NUCKS1: variants seen among roughly 807,000 people sequenced by gnomAD.
The protein encoded by NUCKS1 is nuclear ubiquitous casein and cyclin-dependent kinase substrate 1.
In NUCKS1, 2 loss-of-function variants were observed where a neutral mutation model predicts 33.0. That is an observed-to-expected ratio of 0.06 (90% CI 0.02 to 0.19). The LOEUF is 0.19. NUCKS1 is among the 10% of genes least tolerant of loss of function. The pLI is 1.00. For missense variants in NUCKS1, 201 were observed against 293.6 expected (o/e 0.68, Z 2.31); for synonymous variants, 106 against 102.8 (o/e 1.03, Z -0.19).
At chr1:205,739,355 T>C (rs12088809) in intron 1 of NUCKS1, among the ~76,000 whole-genome samples, 2,346 of 152,318 alleles carry the variant, frequency 0.015, 60 homozygotes, top group African/African-American at 0.054. Flanking sequence ...CCTTTAAAAT[T>C]TGGAAGATTT....
intron 3 of NUCKS1, among the ~76,000 whole-genome samples, chr1:205,727,476 C>G (rs965632771): frequency 1.3e-5 from 2 of 152,092 alleles, no homozygotes; most frequent in Non-Finnish European, 2.9e-5. Flanking sequence ...TGAGATATAT[C>G]ACTTATTTTT....
intron 1 of NUCKS1, among the ~76,000 whole-genome samples, chr1:205,737,233 A>C (rs1654055289): frequency 6.6e-6 from 1 of 152,202 alleles, no homozygotes. Flanking sequence ...CCAAGATTTC[A>C]GTTCCCTTTT....
chr1:205,725,819 GACATTATA>G (rs1369101989), intron 3 of NUCKS1, among the ~76,000 whole-genome samples: 1 of 152,206 alleles, frequency 6.6e-6, no homozygotes, highest in East Asian at 1.9e-4. Flanking sequence ...ATGTCAATGA[GACATTATA>G]ACATGCCACA....
At chr1:205,724,883 A>C (rs542138922) in intron 3 of NUCKS1, among the ~76,000 whole-genome samples, 313 of 152,342 alleles carry the variant, frequency 2.1e-3, no homozygotes, top group Non-Finnish European at 3.4e-3. Flanking sequence ...AAGAAAATAA[A>C]ATGAGCTCAA....
At position 205,713,096 on chromosome 1, in the gene NUCKS1, C is replaced by G. The variant is rs1430831971; in HGVS notation, c.*5184G>C. 6.6e-6 allele frequency: 1 copy of G among 152,124 alleles called. No homozygotes were observed. Among genetic ancestry groups the G allele is most frequent in the East Asian group, 1.9e-4 (1 of 5,196 alleles). The allele number at this position is 152,124 out of a possible 1,614,324, so 9.4% of individuals were successfully genotyped here. On this transcript the variant is annotated 3_prime_UTR_variant, in exon 7 of 7. Transcript: ENST00000367142. ...AAATAATTTATTAGGGAAATAAGTT[C>G]CCACAAAGTCAGGCTGAACTGGGAG...
At chr1:205,745,325 CCT>C (rs1359612761) in intron 1 of NUCKS1, among the ~76,000 whole-genome samples, 2 of 151,692 alleles carry the variant, frequency 1.3e-5, no homozygotes, top group African/African-American at 4.8e-5. Flanking sequence ...ATGGTGAAAC[CCT>C]GTCTACAAAA....
In NUCKS1 at chr1:205,732,106, A is replaced by G. The variant is rs1653929174; in HGVS notation, c.18-2485T>C. On this transcript the variant is annotated intron_variant, in intron 1 of 6. Coordinates refer to ENST00000367142, the MANE Select transcript of NUCKS1 (RefSeq NM_022731.5). ...GAAAAAAAGGCTTGGGCTTATATGT[A>G]GAGGAATATATAGTTACATACTCAG... Among the ~76,000 whole-genome samples, 3 of 152,158 alleles carry G rather than the reference A, an allele frequency of 2.0e-5. No homozygotes were observed. The South Asian group carries it at 6.2e-4, about 32-fold the overall frequency.
At chr1:205,749,405 C>T (rs1175002827) in intron 1 of NUCKS1, among the ~76,000 whole-genome samples, 1 of 152,234 alleles carries the variant, frequency 6.6e-6, no homozygotes, top group Non-Finnish European at 1.5e-5. Context: ...CCCCGAAGGA[C>T]AGAGGCGGGG....
At position 205,720,659 on chromosome 1, in the gene NUCKS1, AT is replaced by A; in HGVS notation, c.230-7del. 6.2e-7 allele frequency: 1 copy of A among 1,607,624 alleles called. No individual in the cohort carries two copies. The highest frequency in any genetic ancestry group is 8.5e-7 in the Non-Finnish European group (1 of 1,177,954). Reference sequence around the variant, plus strand: ...TTTTTCATCTTCACTATCCTCTGCAATATCAGAATTACCATGATATAATGAT... The same window carrying A: ...TTTTTCATCTTCACTATCCTCTGCAAATCAGAATTACCATGATATAATGAT... On this transcript the variant is annotated splice_region_variant and splice_polypyrimidine_tract_variant and intron_variant, in intron 4 of 6. Coordinates refer to ENST00000367142, the MANE Select transcript of NUCKS1 (RefSeq NM_022731.5).
Position 205,715,866 on chromosome 1 carries a change from T to C in NUCKS1, c.*2414A>G, listed in dbSNP as rs1389200914. ...CTTGTAATGCGTCCTGACATCACTA[T>C]CAAGCCTGACTATTGAGCACCTGTA... On this transcript the variant is annotated 3_prime_UTR_variant, in exon 7 of 7. Coordinates refer to ENST00000367142, the MANE Select transcript of NUCKS1 (RefSeq NM_022731.5). 1 of 152,198 alleles carries C rather than the reference T, an allele frequency of 6.6e-6. No individual in the cohort carries two copies. Among genetic ancestry groups the C allele is most frequent in the Non-Finnish European group, 1.5e-5 (1 of 68,034 alleles). 9.4% of individuals were successfully genotyped at this position (152,198 alleles called of 1,614,324 possible).
chr1:205,729,434 A>G lies in NUCKS1; in HGVS notation c.67+138T>C, dbSNP rs182865639. On this transcript the variant is annotated intron_variant, in intron 2 of 6. Transcript: ENST00000367142. ...AAGTTCAACTTTTGCTTTGGTTGAC[A>G]CAGATCATGACATGGTTTTGGTAAA... The G allele has an allele frequency of 1.0e-3, 776 of 747,266 alleles. 9 individuals are homozygous for G. The highest frequency in any genetic ancestry group is 5.0e-5 in the Non-Finnish European group (21 of 418,680). The allele number at this position is 747,266 out of a possible 1,614,324, so 46.3% of individuals were successfully genotyped here.
At chr1:205,719,927 G>C (rs1671891934) in intron 5 of NUCKS1, among the ~76,000 whole-genome samples, 1 of 152,170 alleles carries the variant, frequency 6.6e-6, no homozygotes, top group Non-Finnish European at 1.5e-5. Flanking sequence ...AACAGGAAGG[G>C]TAAGAGTTAA....
intron 4 of NUCKS1, 119 bp from the exon 5 acceptor site, chr1:205,720,772 A>G (rs1490541899): frequency 5.4e-6 from 5 of 928,718 alleles, no homozygotes; most frequent in African/African-American, 5.0e-5. Context: ...CACAGTGGCC[A>G]ATATAGGATA....
At chr1:205,722,921 C>T (rs1402698550) in intron 4 of NUCKS1, among the ~76,000 whole-genome samples, 1 of 152,084 alleles carries the variant, frequency 6.6e-6, no homozygotes, top group Non-Finnish European at 1.5e-5. Context: ...CTGACATGGC[C>T]GACCCAAAAC....
intron 1 of NUCKS1, among the ~76,000 whole-genome samples, chr1:205,746,433 C>T (rs879418097): frequency 3.5e-5 from 3 of 86,752 alleles, no homozygotes; most frequent in Non-Finnish European, 7.4e-5. Flanking sequence ...TTAATAAACT[C>T]ACTTCTCTCT....
chr1:205,749,705 T>G (rs1412112973), intron 1 of NUCKS1, among the ~76,000 whole-genome samples: 1 of 149,930 alleles, frequency 6.7e-6, no homozygotes, highest in Non-Finnish European at 1.5e-5. Context: ...GTGCGGTGGG[T>G]GGGGGAGGCA....
chr1:205,716,760 T>A lies in NUCKS1; in HGVS notation c.*1520A>T, dbSNP rs1671828734. On this transcript the variant is annotated 3_prime_UTR_variant, in exon 7 of 7. Transcript: ENST00000367142. ...GCATACCAGGACCCTTTAAACCTTGTTCCCATTAGCGCCTGGTATTAGATG... is the reference window on the plus strand; with the variant it reads ...GCATACCAGGACCCTTTAAACCTTGATCCCATTAGCGCCTGGTATTAGATG... 1 of 152,194 alleles carries A rather than the reference T, an allele frequency of 6.6e-6. No homozygotes were observed. Among genetic ancestry groups the A allele is most frequent in the Admixed American group, 6.5e-5 (1 of 15,270 alleles). 9.4% of individuals were successfully genotyped at this position (152,194 alleles called of 1,614,324 possible). A position where few individuals can be genotyped will look rare whatever the true frequency, so the allele number is the denominator to read the frequency against.
chr1:205,746,443 TCTCTCTCTCTCACACACACACA>T (rs1553253306), intron 1 of NUCKS1, among the ~76,000 whole-genome samples: 4 of 70,224 alleles, frequency 5.7e-5, no homozygotes, highest in Middle Eastern at 7.0e-3. Flanking sequence ...CACTTCTCTC[TCTCTCTCTCTCACACACACACA>T]CACACACACA....
At chr1:205,749,815 C>T in intron 1 of NUCKS1, 142 bp downstream of exon 1, 1 of 881,688 alleles carries the variant, frequency 1.1e-6, no homozygotes. Flanking sequence ...CCCCCACGCT[C>T]AAGGGTGCGC....
Sources: gnomAD v4.1 joint callset for allele counts (sites outside exome capture counted in the v4.1 genomes callset) on GRCh38, gnomAD v4.1.1 for gene constraint, MANE v1.5 for transcripts, NCBI Gene and HGNC (gene_info 2026-07-23, HGNC 2026-07-21) for gene names.